ZNF276: variants seen among roughly 807,000 people sequenced by gnomAD.
ZNF276 encodes centromere protein Z.
Under a neutral mutation model 63.9 loss-of-function variants are expected in ZNF276, and 59 were observed. That is an observed-to-expected ratio of 0.92 (90% confidence interval 0.75 to 1.15). The LOEUF is 1.15. ZNF276 is among the 50% of genes most tolerant of loss of function. ZNF276 has a pLI of 0.00. For missense variants in ZNF276, 1,084 were observed against 843.8 expected, an observed-to-expected ratio of 1.28 and a Z score of -3.53; for synonymous variants, 496 against 348.4, an observed-to-expected ratio of 1.42 and a Z score of -4.72.
chr16:89,722,624 G>T lies in ZNF276; in HGVS notation c.299G>T (p.Gly100Val), dbSNP rs754565412. The change falls in exon 2 of 11, where the codon GGA becomes GTA. Residue 100 changes from glycine to valine, a missense_variant. Coordinates refer to ENST00000443381, the MANE Select transcript of ZNF276 (RefSeq NM_001113525.2). ...CGCAGCATCTCCGAGAGGGCGCCTG[G>T]AGCGAGCATGGAGAGGCCATCCGCA... ...SLRSISERAPGASMERPSAEE... is the reference protein window; with the variant it reads ...SLRSISERAPVASMERPSAEE... The T allele has an allele frequency of 1.1e-5, 18 of 1,611,876 alleles. No homozygotes were observed. The Admixed American group carries it at 3.0e-4, about 27-fold the overall frequency.
At chr16:89,722,915 C>T (rs1415058388) in intron 2 of ZNF276, 81 bp downstream of exon 2, 4 of 1,558,628 alleles carry the variant, frequency 2.6e-6, no homozygotes, top group Non-Finnish European at 3.5e-6. Context: ...CAGGGCGTGC[C>T]TCCGCGGGAG....
Position 89,737,904 on chromosome 16 carries a change from CAGTA to C in ZNF276, c.1574+3_1574+6del, listed in dbSNP as rs753790953. 1.9e-6 allele frequency: 3 copies of C among 1,601,332 alleles called. No homozygotes were observed. Among genetic ancestry groups the C allele is most frequent in the Non-Finnish European group, 2.5e-6 (3 of 1,178,358 alleles). On this transcript the variant is annotated splice_donor_variant and splice_donor_region_variant and coding_sequence_variant and intron_variant, in exon 10 of 11. Transcript: ENST00000443381. LOFTEE classifies it high-confidence loss of function. ...GCGACATTCGGGAGCCAAGCCTTTG[CAGTA>C]AGTGTGAGTCAGGACCCCCTCCCAG...
intron 4 of ZNF276, among the ~76,000 whole-genome samples, chr16:89,724,372 G>A (rs548568731): frequency 1.3e-5 from 2 of 152,298 alleles, no homozygotes; most frequent in African/African-American, 2.4e-5. Context: ...GGGAGCTTCC[G>A]AAAAGCGTAG....
intron 5 of ZNF276, among the ~76,000 whole-genome samples, chr16:89,728,629 C>T (rs542753321): frequency 2.6e-5 from 4 of 152,266 alleles, no homozygotes; most frequent in African/African-American, 7.2e-5. Flanking sequence ...GTCTTGATCT[C>T]CTGACCTCGT....
Position 89,727,476 on chromosome 16 carries a change from A to G in ZNF276, c.1085+119A>G, listed in dbSNP as rs1009191758. On this transcript the variant is annotated intron_variant, in intron 5 of 10. Transcript: ENST00000443381. ...GCCTAAAATTTCTCCTTCAAAAACC[A>G]AACAGCCATCGTAGGGTCGGCTGCC... The G allele has an allele frequency of 2.5e-6, 3 of 1,205,932 alleles. No individual in the cohort carries two copies. The African/African-American group carries it at 4.6e-5, about 18-fold the overall frequency. The allele number at this position is 1,205,932 out of a possible 1,614,324, so 74.7% of individuals were successfully genotyped here.
chr16:89,737,661 T>G (rs2061983152), intron 9 of ZNF276, 145 bp from the exon 10 acceptor site: 3 of 1,479,368 alleles, frequency 2.0e-6, no homozygotes, highest in Middle Eastern at 3.8e-4. Flanking sequence ...AACGAGGCCC[T>G]CATAGGCCCC....
At chr16:89,730,569 G>A (rs1039030986) in intron 6 of ZNF276, among the ~76,000 whole-genome samples, 1 of 152,196 alleles carries the variant, frequency 6.6e-6, no homozygotes, top group African/African-American at 2.4e-5. Flanking sequence ...GTCCCTCTGG[G>A]ACCCCAGGAG....
At chr16:89,724,420 G>T (rs765194323) in intron 4 of ZNF276, among the ~76,000 whole-genome samples, 13 of 152,212 alleles carry the variant, frequency 8.5e-5, no homozygotes, top group Non-Finnish European at 4.4e-5. Flanking sequence ...GCTGAGGTGG[G>T]TGGATCACTT....
rs868658872 is a variant in ZNF276, at chr16:89,725,269, G to A, written c.1006+1560G>A. 2.4e-4 allele frequency among the ~76,000 whole-genome samples: 37 copies of A among 151,418 alleles called. No individual in the cohort carries two copies. The South Asian group carries it at 4.2e-3, about 17-fold the overall frequency. The stretch of plus-strand genomic sequence containing the variant: ...CACCATGTTGGCCAGGCTTGGTCTC[G>A]AACTCCTGACCTCGTGATCCACCTG... On this transcript the variant is annotated intron_variant, in intron 4 of 10. Coordinates refer to ENST00000443381, the MANE Select transcript of ZNF276 (RefSeq NM_001113525.2).
Position 89,739,054 on chromosome 16 carries a change from G to C in ZNF276, c.*808G>C, listed in dbSNP as rs1382888975. The C allele has an allele frequency of 6.2e-7, 1 of 1,613,796 alleles. No individual in the cohort carries two copies. The highest frequency in any genetic ancestry group is 1.7e-5 in the Admixed American group (1 of 60,014). On this transcript the variant is annotated 3_prime_UTR_variant, in exon 11 of 11. Transcript: ENST00000443381. ...GTGTGTCCCCCATAGTCTGCATGCT[G>C]TGCCGGAACATTCTTTGGCAGAAGG...
At chr16:89,728,582 T>C (rs1597989155) in intron 5 of ZNF276, among the ~76,000 whole-genome samples, 1 of 152,254 alleles carries the variant, frequency 6.6e-6, no homozygotes, top group South Asian at 2.1e-4. Flanking sequence ...TTTTGTATTT[T>C]TAGCAGAGAC....
chr16:89,722,780 C>G lies in ZNF276; in HGVS notation c.455C>G (p.Ser152Cys), dbSNP rs763468117. ...QFYQCHSLLK[S>C]FLQRVNASPA... The stretch of plus-strand genomic sequence containing the variant: ...TACCAGTGCCACAGCCTTCTCAAGT[C>G]CTTCCTGCAGAGGGTCAACGCCTCC... Residue 152 changes from serine to cysteine, a missense_variant, in exon 2 of 11, where the codon TCC becomes TGC. Ser to Cys is a moderately radical substitution (Grantham distance 112). Coordinates refer to ENST00000443381, the MANE Select transcript of ZNF276 (RefSeq NM_001113525.2). 6.2e-7 allele frequency: 1 copy of G among 1,609,128 alleles called. No homozygotes were observed. Among genetic ancestry groups the G allele is most frequent in the Non-Finnish European group, 8.5e-7 (1 of 1,180,006 alleles).
upstream of ZNF276, chr16:89,721,120 G>A (rs116143382): frequency 0.017 from 5,210 of 302,554 alleles, 255 homozygotes; most frequent in African/African-American, 0.11. Flanking sequence ...TGGCGAGAAG[G>A]GCCCCTCACG....
intron 1 of ZNF276, 42 bp from the exon 2 acceptor site, chr16:89,722,489 C>T (rs1183209693): frequency 1.3e-6 from 2 of 1,567,010 alleles, no homozygotes; most frequent in East Asian, 4.5e-5. Context: ...TGCTCAGGAG[C>T]CTCCTTTGCC....
At position 89,740,584 on chromosome 16, in the gene ZNF276, TGAG is replaced by T; in HGVS notation, c.*2339_*2341del. ...CCAGGAGGCTGAGGTTGCAGTGAGC[TGAG>T]ATCACACCACTGCACTCCAGCCTGG... On this transcript the variant is annotated 3_prime_UTR_variant, in exon 11 of 11. Coordinates refer to ENST00000443381, the MANE Select transcript of ZNF276 (RefSeq NM_001113525.2). 1.8e-6 allele frequency: 1 copy of T among 567,306 alleles called. No individual in the cohort carries two copies. Among genetic ancestry groups the T allele is most frequent in the Non-Finnish European group, 3.1e-6 (1 of 320,084 alleles). The allele number at this position is 567,306 out of a possible 1,614,324, so 35.1% of individuals were successfully genotyped here.
At position 89,739,605 on chromosome 16, in the gene ZNF276, C is replaced by T; in HGVS notation, c.*1359C>T. ...AACTCTGGACATCTCTGCCTATTAT[C>T]AGTGCTGGGGACACCCCTGGGGGTC... is the stretch of plus-strand genomic sequence containing the variant. On this transcript the variant is annotated 3_prime_UTR_variant, in exon 11 of 11. Coordinates refer to ENST00000443381, the MANE Select transcript of ZNF276 (RefSeq NM_001113525.2). 1.9e-6 allele frequency: 3 copies of T among 1,540,240 alleles called. No homozygotes were observed. Among genetic ancestry groups the T allele is most frequent in the South Asian group, 1.2e-5 (1 of 83,856 alleles).
chr16:89,737,724 T>G, intron 9 of ZNF276, 82 bp from the exon 10 acceptor site: 1 of 1,601,362 alleles, frequency 6.2e-7, no homozygotes, highest in Non-Finnish European at 8.5e-7. Context: ...TTCCCAGCTG[T>G]GATGGTTTCA....
intron 6 of ZNF276, among the ~76,000 whole-genome samples, chr16:89,729,597 C>T (rs191973368): frequency 4.6e-4 from 70 of 152,278 alleles, no homozygotes; most frequent in Non-Finnish European, 9.0e-4. Context: ...GTGTCTCTGT[C>T]GACAGAACCC....
chr16:89,733,248 C>T, intron 6 of ZNF276, 54 bp from the exon 7 acceptor site: 1 of 1,527,962 alleles, frequency 6.5e-7, no homozygotes, highest in Non-Finnish European at 9.0e-7. Flanking sequence ...AGACAAAAAA[C>T]ATTTTGCAAA....
Sources: gnomAD v4.1 joint callset for allele counts (sites outside exome capture counted in the v4.1 genomes callset) on GRCh38, gnomAD v4.1.1 for gene constraint, MANE v1.5 for transcripts, NCBI Gene and HGNC (gene_info 2026-07-23, HGNC 2026-07-21) for gene names.